LRMDA: variants seen among roughly 807,000 people sequenced by gnomAD.
The protein encoded by LRMDA is leucine rich melanocyte differentiation associated.
A neutral mutation model predicts 29.8 loss-of-function variants in LRMDA; 18 were observed. The observed-to-expected ratio is 0.60, with a 90% CI of 0.42 to 0.90. The LOEUF is 0.90. LRMDA is among the 40% of genes least tolerant of loss of function. LRMDA has a pLI of 0.00. For synonymous variants in LRMDA, 125 were observed against 109.4 expected (o/e 1.14, Z -0.89); for missense variants, 273 against 273.9 (o/e 1.00, Z 0.02).
chr10:75,749,583 T>C (rs1842928844), intron 2 of LRMDA, among the ~76,000 whole-genome samples: 1 of 152,126 alleles, frequency 6.6e-6, no homozygotes. Context: ...TCTGAAATTA[T>C]TGGTTTTTTG....
chr10:76,448,730 G>T (rs983167132), intron 6 of LRMDA, among the ~76,000 whole-genome samples: 15 of 151,506 alleles, frequency 9.9e-5, no homozygotes, highest in African/African-American at 2.9e-4. Flanking sequence ...CATGATTTTT[G>T]CTTACATGCA....
At chr10:75,951,626 G>A (rs753396439) in intron 2 of LRMDA, among the ~76,000 whole-genome samples, 1 of 152,164 alleles carries the variant, frequency 6.6e-6, no homozygotes, top group Non-Finnish European at 1.5e-5. Flanking sequence ...TTCACTCTGA[G>A]GAATCACTTA....
intron 2 of LRMDA, among the ~76,000 whole-genome samples, chr10:75,636,844 A>C (rs1189132200): frequency 6.6e-6 from 1 of 151,170 alleles, no homozygotes. Context: ...ATTGGCAAAG[A>C]CTTTTTTTTT....
At chr10:76,239,278 A>G (rs1260092568) in intron 5 of LRMDA, among the ~76,000 whole-genome samples, 2 of 152,092 alleles carry the variant, frequency 1.3e-5, no homozygotes, top group Non-Finnish European at 1.5e-5. Flanking sequence ...ACATCAGGTC[A>G]TTTCTACACA....
intron 2 of LRMDA, among the ~76,000 whole-genome samples, chr10:75,651,436 T>C (rs945765637): frequency 6.6e-6 from 1 of 152,196 alleles, no homozygotes; most frequent in African/African-American, 2.4e-5. Context: ...TGCATTTCAG[T>C]CTTCTTAGGC....
At chr10:76,365,361 A>G (rs1043591241) in intron 6 of LRMDA, among the ~76,000 whole-genome samples, 3 of 151,762 alleles carry the variant, frequency 2.0e-5, no homozygotes, top group African/African-American at 7.3e-5. Flanking sequence ...TTACATTTCC[A>G]CCCGCAGTGT....
At chr10:75,575,047 G>A (rs1041401795) in intron 2 of LRMDA, among the ~76,000 whole-genome samples, 3 of 152,182 alleles carry the variant, frequency 2.0e-5, no homozygotes, top group Admixed American at 6.5e-5. Flanking sequence ...ATGGCTGGAA[G>A]CAGGAGGAAG....
intron 6 of LRMDA, among the ~76,000 whole-genome samples, chr10:76,328,256 G>A (rs890401288): frequency 1.3e-5 from 2 of 152,154 alleles, no homozygotes; most frequent in Non-Finnish European, 2.9e-5. Context: ...AATATATTAC[G>A]AGTACAGGAC....
At chr10:76,214,576 C>A (rs1851696240) in intron 5 of LRMDA, among the ~76,000 whole-genome samples, 1 of 151,818 alleles carries the variant, frequency 6.6e-6, no homozygotes, top group African/African-American at 2.4e-5. Flanking sequence ...GATCTCCTGA[C>A]CTCATGATCC....
At chr10:76,256,682 G>A (rs925745230) in intron 5 of LRMDA, among the ~76,000 whole-genome samples, 2 of 152,074 alleles carry the variant, frequency 1.3e-5, no homozygotes. Flanking sequence ...TAATTGCCAG[G>A]AGTTCTGTTG....
chr10:75,596,100 A>G (rs1840784423), intron 2 of LRMDA, among the ~76,000 whole-genome samples: 1 of 152,222 alleles, frequency 6.6e-6, no homozygotes, highest in African/African-American at 2.4e-5. Flanking sequence ...GAATGAATAA[A>G]TGAAGATACT....
At chr10:75,881,375 G>A (rs189785392) in intron 2 of LRMDA, among the ~76,000 whole-genome samples, 21 of 152,174 alleles carry the variant, frequency 1.4e-4, no homozygotes, top group African/African-American at 3.9e-4. Context: ...CTGGAGGCAG[G>A]GAACCTAACG....
intron 2 of LRMDA, among the ~76,000 whole-genome samples, chr10:75,828,160 C>T (rs1421699088): frequency 6.6e-6 from 1 of 152,144 alleles, no homozygotes; most frequent in African/African-American, 2.4e-5. Flanking sequence ...TGAGAGGATA[C>T]TGCTCCCCAG....
chr10:75,755,516 G>A (rs1843021494), intron 2 of LRMDA, among the ~76,000 whole-genome samples: 4 of 152,240 alleles, frequency 2.6e-5, no homozygotes, highest in Admixed American at 2.6e-4. Flanking sequence ...AACAAGACAA[G>A]TATCAGATGG....
At chr10:75,681,616 G>C (rs1388252036) in intron 2 of LRMDA, among the ~76,000 whole-genome samples, 1 of 152,202 alleles carries the variant, frequency 6.6e-6, no homozygotes, top group Admixed American at 6.5e-5. Context: ...TGGATCAGTG[G>C]AGTACCAGAG....
intron 2 of LRMDA, among the ~76,000 whole-genome samples, chr10:75,853,409 T>TA (rs1316548362): frequency 1.3e-5 from 2 of 150,650 alleles, no homozygotes; most frequent in Non-Finnish European, 2.9e-5. Flanking sequence ...TGGCATGTTC[T>TA]AAAGCATCCA....
chr10:75,660,016 T>A (rs1841730350), intron 2 of LRMDA, among the ~76,000 whole-genome samples: 1 of 152,120 alleles, frequency 6.6e-6, no homozygotes, highest in Non-Finnish European at 1.5e-5. Context: ...TTTCTCCCTC[T>A]TTCTCTCCCC....
intron 4 of LRMDA, among the ~76,000 whole-genome samples, chr10:76,058,280 A>G (rs745493823): frequency 2.4e-4 from 36 of 152,310 alleles, no homozygotes; most frequent in Non-Finnish European, 4.6e-4. Flanking sequence ...CAGTGACGTA[A>G]AGGGTACAAT....
At chr10:75,681,686 G>A (rs953194684) in intron 2 of LRMDA, among the ~76,000 whole-genome samples, 2 of 152,156 alleles carry the variant, frequency 1.3e-5, no homozygotes, top group African/African-American at 4.8e-5. Context: ...GCGAAATTTC[G>A]TTGTCCTGAG....
Sources: gnomAD v4.1 joint callset for allele counts (sites outside exome capture counted in the v4.1 genomes callset) on GRCh38, gnomAD v4.1.1 for gene constraint, MANE v1.5 for transcripts, NCBI Gene and HGNC (gene_info 2026-07-23, HGNC 2026-07-21) for gene names.